The following TTLL8 variants were observed in gnomAD, a reference collection of about 807,000 sequenced individuals.
TTLL8 encodes protein monoglycylase TTLL8.
In TTLL8, 65 loss-of-function variants were observed where a neutral mutation model predicts 77.8. The observed-to-expected ratio is 0.84, with a 90% CI of 0.68 to 1.03. The LOEUF (loss-of-function observed/expected upper bound fraction) is 1.03. TTLL8 is among the 50% of genes least tolerant of loss of function. TTLL8 has a pLI of 0.00. For synonymous variants in TTLL8, 402 were observed against 422.8 expected, an observed-to-expected ratio of 0.95 and a Z score of 0.60; for missense variants, 910 against 1,004.5, an observed-to-expected ratio of 0.91 and a Z score of 1.27.
At chr22:50,027,294 G>A (rs1304008432) in intron 12 of TTLL8, among the ~76,000 whole-genome samples, 1 of 151,624 alleles carries the variant, frequency 6.6e-6, no homozygotes, top group Admixed American at 6.6e-5. Flanking sequence ...AACACTTTGG[G>A]AGGCCAAGGT....
intron 8 of TTLL8, among the ~76,000 whole-genome samples, chr22:50,039,857 G>A (rs1031195065): frequency 2.6e-5 from 4 of 151,612 alleles, no homozygotes; most frequent in South Asian, 2.1e-4. Flanking sequence ...AGCGTGGATG[G>A]ACCTCATGGA....
At chr22:50,046,289 G>T (rs567406212) in intron 4 of TTLL8, among the ~76,000 whole-genome samples, 1 of 152,284 alleles carries the variant, frequency 6.6e-6, no homozygotes, top group South Asian at 2.1e-4. Flanking sequence ...CTCCCTCCAG[G>T]CCCCCAAACG....
At chr22:50,037,800 T>C (rs1302912136) in intron 8 of TTLL8, among the ~76,000 whole-genome samples, 2 of 152,232 alleles carry the variant, frequency 1.3e-5, no homozygotes, top group African/African-American at 4.8e-5. Context: ...GGAGCACAAG[T>C]CTTCCAATTT....
Position 50,031,779 on chromosome 22 carries a change from C to T in TTLL8, c.1614G>A (p.Thr538=), listed in dbSNP as rs369851581. 40 of 1,366,332 alleles carry T rather than the reference C, an allele frequency of 2.9e-5. No homozygotes were observed. The African/African-American group carries it at 3.8e-4, about 13-fold the overall frequency. 84.6% of individuals were successfully genotyped at this position (1,366,332 alleles called of 1,614,324 possible). A position where few individuals can be genotyped will look rare whatever the true frequency, so the allele number is the denominator to read the frequency against. ...CCTGCACCTGTGCACACAGCTGGGC[C>T]GTGACCGGCGTGGACGGGTGCATGG... is the stretch of plus-strand genomic sequence containing the variant. Residue 538 remains threonine (T), a synonymous_variant, in exon 11 of 14, where the codon ACG becomes ACA. Coordinates refer to ENST00000266182, the Ensembl canonical transcript of TTLL8.
At position 50,050,265 on chromosome 22, in the gene TTLL8, T is replaced by C. The variant is rs2061437421; in HGVS notation, c.52-18A>G. 1 of 1,302,244 alleles carries C rather than the reference T, an allele frequency of 7.7e-7. No individual in the cohort carries two copies. The highest frequency in any genetic ancestry group is 1.5e-5 in the African/African-American group (1 of 65,814). The allele number at this position is 1,302,244 out of a possible 1,614,324, so 80.7% of individuals were successfully genotyped here. ...TTCTTCTCCTAAAATGGCAAGAGGATATTTTATTTTATTTCAATCATTTTT... is the reference window on the plus strand; with the variant it reads ...TTCTTCTCCTAAAATGGCAAGAGGACATTTTATTTTATTTCAATCATTTTT... On this transcript the variant is annotated intron_variant, in intron 1 of 13. Transcript: ENST00000266182.
At chr22:50,056,399 G>A (rs1016998835), upstream of TTLL8, among the ~76,000 whole-genome samples, 5 of 152,136 alleles carry the variant, frequency 3.3e-5, no homozygotes, top group African/African-American at 1.2e-4. The surrounding 1 kb of genome is among the most constrained non-coding windows in gnomAD (Gnocchi z 4.1). Flanking sequence ...CTGCGGGTGG[G>A]GACGGGGGCG....
intron 12 of TTLL8, among the ~76,000 whole-genome samples, chr22:50,021,498 A>G (rs1247532178): frequency 7.6e-6 from 1 of 131,280 alleles, no homozygotes; most frequent in African/African-American, 3.0e-5. Flanking sequence ...GCACTCCTCC[A>G]TCTGATGACG....
chr22:50,050,432 G>A (rs912291495), intron 1 of TTLL8, among the ~76,000 whole-genome samples, 185 bp from the exon 4 acceptor site: 3 of 151,416 alleles, frequency 2.0e-5, no homozygotes, highest in African/African-American at 7.3e-5. Context: ...GAGTGCAGTG[G>A]GGCAATCTCA....
chr22:50,025,785 A>G (rs542855212), intron 12 of TTLL8, among the ~76,000 whole-genome samples: 19 of 152,348 alleles, frequency 1.2e-4, no homozygotes, highest in African/African-American at 3.6e-4. Flanking sequence ...TAATGAACAA[A>G]GTGCTCAGCA....
At chr22:50,025,707 A>AG (rs1290462498) in intron 12 of TTLL8, among the ~76,000 whole-genome samples, 2 of 152,234 alleles carry the variant, frequency 1.3e-5, no homozygotes, top group Non-Finnish European at 1.5e-5. Flanking sequence ...ACCAAAGGCA[A>AG]GCAACCTAAT....
chr22:50,052,316 G>A (rs1467167927), intron 1 of TTLL8, among the ~76,000 whole-genome samples: 1 of 152,172 alleles, frequency 6.6e-6, no homozygotes, highest in Non-Finnish European at 1.5e-5. Flanking sequence ...TGGTCAAACT[G>A]AGTAACTTTA....
At chr22:50,046,343 G>A (rs556504405) in intron 4 of TTLL8, among the ~76,000 whole-genome samples, 3 of 152,346 alleles carry the variant, frequency 2.0e-5, no homozygotes, top group African/African-American at 7.2e-5. Context: ...AGAGGGAGGA[G>A]CGGCTGCAGG....
chr22:50,028,438 C>G (rs1487904858), intron 12 of TTLL8, among the ~76,000 whole-genome samples: 1 of 152,204 alleles, frequency 6.6e-6, no homozygotes, highest in Non-Finnish European at 1.5e-5. Context: ...GGAATGTGCC[C>G]TGCGGGCCAT....
chr22:50,056,678 G>T (rs985819154), upstream of TTLL8: 44 of 867,524 alleles, frequency 5.1e-5, no homozygotes, highest in Non-Finnish European at 6.1e-5. The surrounding 1 kb of genome is among the most constrained non-coding windows in gnomAD (Gnocchi z 4.1). Flanking sequence ...GGAGGCAGGA[G>T]CCAGCGCCCC....
chr22:50,033,325 TCA>T lies in TTLL8; in HGVS notation c.1158_1159del (p.Cys386Ter), dbSNP rs1407645083. The stretch of plus-strand genomic sequence containing the variant: ...CCACTGTCTGATGTCGAACTTGGTG[TCA>T]CAGATGAGCAGCGGCGTCTCGATGT... On this transcript the variant is annotated stop_gained and frameshift_variant, in exon 10 of 14. Coordinates refer to ENST00000266182, the Ensembl canonical transcript of TTLL8. LOFTEE classifies it high-confidence loss of function. The T allele has an allele frequency of 2.9e-6, 4 of 1,365,294 alleles. No homozygotes were observed. The African/African-American group carries it at 5.9e-5, about 20-fold the overall frequency. 84.6% of individuals were successfully genotyped at this position (1,365,294 alleles called of 1,614,324 possible). A position where few individuals can be genotyped will look rare whatever the true frequency, so the allele number is the denominator to read the frequency against.
At position 50,034,340 on chromosome 22, in the gene TTLL8, C is replaced by T. The variant is rs374485899; in HGVS notation, c.1039+5G>A. 76 of 1,363,874 alleles carry T rather than the reference C, an allele frequency of 5.6e-5. No homozygotes were observed. Among genetic ancestry groups the T allele is most frequent in the Admixed American group, 9.5e-5 (5 of 52,476 alleles). The allele number at this position is 1,363,874 out of a possible 1,614,324, so 84.5% of individuals were successfully genotyped here. A position where few individuals can be genotyped will look rare whatever the true frequency, so the allele number is the denominator to read the frequency against. The stretch of plus-strand genomic sequence containing the variant: ...CTATGAACGCGGTGCAGGGAGCATC[C>T]GCACCAGGGGACTCACCTCGGCCCC... On this transcript the variant is annotated splice_donor_5th_base_variant and intron_variant, in intron 9 of 13. Coordinates refer to ENST00000266182, the Ensembl canonical transcript of TTLL8. The surrounding 1 kb of genome is among the most constrained non-coding windows in gnomAD (Gnocchi z 4.1).
chr22:50,055,569 C>T (rs1242572828), upstream of TTLL8, among the ~76,000 whole-genome samples: 2 of 151,064 alleles, frequency 1.3e-5, no homozygotes, highest in African/African-American at 2.4e-5. Flanking sequence ...GCAGGCGAAT[C>T]GCTTGAATCC....
chr22:50,028,226 C>T (rs186224115), intron 12 of TTLL8, among the ~76,000 whole-genome samples: 30 of 152,346 alleles, frequency 2.0e-4, no homozygotes, highest in Non-Finnish European at 2.8e-4. Context: ...GATCTTTCCT[C>T]TTCAGCATGG....
intron 12 of TTLL8, chr22:50,027,696 C>T: frequency 1.0e-6 from 1 of 985,450 alleles, no homozygotes; most frequent in Non-Finnish European, 1.2e-6. Flanking sequence ...GACCCTGTCG[C>T]CGCAGGCCTT....
Sources: allele counts gnomAD v4.1 joint callset (sites outside exome capture counted in the v4.1 genomes callset), GRCh38; gene constraint gnomAD v4.1.1; non-coding constraint Gnocchi (gnomAD v3.1); transcripts MANE v1.5; gene names NCBI Gene and HGNC (gene_info 2026-07-23, HGNC 2026-07-21).